The following SLC38A12 variants were observed in gnomAD, a reference collection of about 807,000 sequenced individuals.
SLC38A12 encodes the protein putative sodium-coupled neutral amino acid transporter 12.
chr17:74,836,148 T>C, the SLC38A12 span: 3 of 1,613,738 alleles, frequency 1.9e-6, no homozygotes, highest in Non-Finnish European at 2.5e-6. This position sits in a 1 kb window ranked among gnomAD's most constrained non-coding sequence, Gnocchi z 4.2. Flanking sequence ...CCTGGCCTTC[T>C]ACGGCCTCCT....
At chr17:74,790,426 C>G in the SLC38A12 span, 3 of 814,110 alleles carry the variant, frequency 3.7e-6, no homozygotes, top group Non-Finnish European at 6.2e-6. Flanking sequence ...TGAGGCAGGC[C>G]CTGTGGTAGA....
At chr17:74,814,298 G>A in the SLC38A12 span, among the ~76,000 whole-genome samples, 1 of 151,222 alleles carries the variant, frequency 6.6e-6, no homozygotes, top group East Asian at 2.0e-4. Flanking sequence ...GGCACCCCAG[G>A]CCCCCTTCCT....
At chr17:74,785,408 G>T in the SLC38A12 span, 2 of 1,564,562 alleles carry the variant, frequency 1.3e-6, no homozygotes, top group Non-Finnish European at 1.7e-6. Context: ...CATCACCAGG[G>T]TCGTTCCTTG....
the SLC38A12 span, among the ~76,000 whole-genome samples, chr17:74,787,689 A>T: frequency 6.6e-6 from 1 of 151,830 alleles, no homozygotes; most frequent in South Asian, 2.1e-4. Flanking sequence ...CACGGCAGAG[A>T]TGGATTCATA....
the SLC38A12 span, among the ~76,000 whole-genome samples, chr17:74,831,814 C>T: frequency 3.9e-5 from 6 of 152,228 alleles, no homozygotes; most frequent in Admixed American, 6.5e-5. Flanking sequence ...TGGCTTCCCA[C>T]GCAGCCTCCA....
chr17:74,803,269 A>G, the SLC38A12 span, among the ~76,000 whole-genome samples: 1 of 152,238 alleles, frequency 6.6e-6, no homozygotes, highest in Non-Finnish European at 1.5e-5. Flanking sequence ...GCAAAGGTGC[A>G]GAACCCCAAA....
At chr17:74,808,975 C>T in the SLC38A12 span, among the ~76,000 whole-genome samples, 11 of 152,190 alleles carry the variant, frequency 7.2e-5, no homozygotes, top group African/African-American at 2.2e-4. Flanking sequence ...ATGCCTCCCA[C>T]GCACGGGCTC....
At chr17:74,835,747 C>T in the SLC38A12 span, among the ~76,000 whole-genome samples, 15 of 152,330 alleles carry the variant, frequency 9.8e-5, no homozygotes, top group South Asian at 2.1e-4. Flanking sequence ...GAGAGGGATG[C>T]GGGACCTTCC....
the SLC38A12 span, among the ~76,000 whole-genome samples, chr17:74,779,842 T>A: frequency 6.6e-6 from 1 of 152,252 alleles, no homozygotes; most frequent in African/African-American, 2.4e-5. Context: ...TCCAAGGATG[T>A]TCGCTTTAGC....
the SLC38A12 span, among the ~76,000 whole-genome samples, chr17:74,830,405 C>T: frequency 2.6e-5 from 4 of 152,218 alleles, no homozygotes; most frequent in Non-Finnish European, 5.9e-5. Flanking sequence ...GGAGAGAGGC[C>T]GTGAGGACAG....
chr17:74,818,156 G>A, the SLC38A12 span, among the ~76,000 whole-genome samples: 12 of 152,152 alleles, frequency 7.9e-5, no homozygotes, highest in African/African-American at 2.2e-4. Flanking sequence ...ATGCGCTACC[G>A]TGTCCCCAGC....
At chr17:74,837,853 C>A in the SLC38A12 span, 10 of 985,994 alleles carry the variant, frequency 1.0e-5, no homozygotes, top group Non-Finnish European at 1.2e-5. Context: ...CTGGGGGTCC[C>A]CCTGACCCTC....
chr17:74,785,500 T>C, the SLC38A12 span: 1 of 1,613,936 alleles, frequency 6.2e-7, no homozygotes, highest in Non-Finnish European at 8.5e-7. Context: ...GGTGTACATG[T>C]TTAACCTCAT....
the SLC38A12 span, among the ~76,000 whole-genome samples, chr17:74,807,549 C>T: frequency 6.6e-6 from 1 of 152,242 alleles, no homozygotes; most frequent in Non-Finnish European, 1.5e-5. Flanking sequence ...CACAGCCAGC[C>T]CCTCCTTTCC....
chr17:74,819,846 G>A, the SLC38A12 span: 6 of 1,613,222 alleles, frequency 3.7e-6, no homozygotes, highest in South Asian at 5.5e-5. Context: ...ATGGATCGGT[G>A]AGTCTGAGAA....
the SLC38A12 span, chr17:74,837,746 C>G: frequency 1.0e-6 from 1 of 985,904 alleles, no homozygotes; most frequent in African/African-American, 1.7e-5. Flanking sequence ...CCACCTCCCA[C>G]TCAGCCATGC....
At chr17:74,837,626 C>T in the SLC38A12 span, 3 of 985,412 alleles carry the variant, frequency 3.0e-6, no homozygotes, top group African/African-American at 5.2e-5. Context: ...AAAAGCGGCT[C>T]CCTTAGGGGC....
At chr17:74,815,556 C>T in the SLC38A12 span, among the ~76,000 whole-genome samples, 4 of 152,314 alleles carry the variant, frequency 2.6e-5, no homozygotes, top group Admixed American at 1.3e-4. Flanking sequence ...TCACACGCTC[C>T]GTGGTGCGGT....
chr17:74,837,168 G>A, the SLC38A12 span: 11 of 987,134 alleles, frequency 1.1e-5, no homozygotes, highest in African/African-American at 1.9e-4. Flanking sequence ...CAGGCTGGAA[G>A]TATCCTAGCC....
Sources: allele counts gnomAD v4.1 joint callset (sites outside exome capture counted in the v4.1 genomes callset), GRCh38; gene constraint gnomAD v4.1.1; non-coding constraint Gnocchi (gnomAD v3.1); transcripts MANE v1.5; gene names NCBI Gene and HGNC (gene_info 2026-07-23, HGNC 2026-07-21).